LNX1: variants seen among roughly 807,000 people sequenced by gnomAD.
LNX1 encodes the protein ligand of numb-protein X 1, also known as E3 ubiquitin-protein ligase LNX.
Under a neutral mutation model 68.4 loss-of-function variants are expected in LNX1, and 54 were observed. The observed-to-expected ratio is 0.79, with a 90% confidence interval of 0.63 to 0.99. LNX1 has a LOEUF of 0.99. Among genes scored for constraint, LNX1 ranks in the 50% least tolerant of loss-of-function variants. The pLI, the probability that LNX1 is intolerant of heterozygous loss-of-function variation, is 0.00. For synonymous variants in LNX1, 336 were observed against 350.0 expected, an observed-to-expected ratio of 0.96 and a Z score of 0.45; for missense variants, 906 against 926.4, an observed-to-expected ratio of 0.98 and a Z score of 0.29.
intron 4 of LNX1, among the ~76,000 whole-genome samples, chr4:53,504,605 G>GAAA (rs1725738074): frequency 6.6e-6 from 1 of 152,208 alleles, no homozygotes; most frequent in Non-Finnish European, 1.5e-5. Flanking sequence ...TTGGCTGTTT[G>GAAA]GCACGAGAGG....
At chr4:53,575,536 C>CAA in intron 1 of LNX1, 12 of 985,386 alleles carry the variant, frequency 1.2e-5, no homozygotes, top group Non-Finnish European at 1.4e-5. Flanking sequence ...GACATGGACA[C>CAA]ACACACAAGT....
At chr4:53,609,589 A>G (rs1189135811) in intron 2 of LNX1, among the ~76,000 whole-genome samples, 1 of 146,428 alleles carries the variant, frequency 6.8e-6, no homozygotes, top group Admixed American at 6.9e-5. Flanking sequence ...TAGTATATAT[A>G]ATTATATATT....
At chr4:53,634,259 T>TA (rs386400066) in intron 1 of LNX1, among the ~76,000 whole-genome samples, 6 of 151,758 alleles carry the variant, frequency 4.0e-5, no homozygotes, top group Non-Finnish European at 7.4e-5. Flanking sequence ...TGGCTTTTTT[T>TA]TTTTTTGAGA....
chr4:53,494,052 T>C (rs1241026291), intron 6 of LNX1, among the ~76,000 whole-genome samples: 1 of 152,214 alleles, frequency 6.6e-6, no homozygotes, highest in Non-Finnish European at 1.5e-5. Flanking sequence ...ATCATTTCCC[T>C]AATAGGCTGA....
chr4:53,620,833 C>T (rs542098428), upstream of LNX1, among the ~76,000 whole-genome samples: 13 of 152,238 alleles, frequency 8.5e-5, no homozygotes, highest in East Asian at 1.2e-3. Flanking sequence ...CAGTGCAGCA[C>T]GCTCTAAATC....
chr4:53,606,327 A>G (rs951371342), intron 2 of LNX1, among the ~76,000 whole-genome samples: 12 of 152,182 alleles, frequency 7.9e-5, no homozygotes, highest in Admixed American at 4.6e-4. Flanking sequence ...AAGCTAGGAA[A>G]CCTAGAGGAA....
intron 2 of LNX1, among the ~76,000 whole-genome samples, chr4:53,604,505 T>C (rs889539004): frequency 2.6e-5 from 4 of 152,202 alleles, no homozygotes; most frequent in African/African-American, 9.7e-5. Context: ...CAAGAGGAAG[T>C]AGCCCAGGAA....
At chr4:53,464,332 T>G (rs927113024) in intron 9 of LNX1, among the ~76,000 whole-genome samples, 3 of 152,128 alleles carry the variant, frequency 2.0e-5, no homozygotes, top group Non-Finnish European at 4.4e-5. Context: ...TCTCAGTCTG[T>G]GGTGAAGGGA....
chr4:53,613,503 C>T lies in LNX1; in HGVS notation c.-215+3014G>A, dbSNP rs534084047. Among the ~76,000 whole-genome samples, 120 of 152,220 alleles carry T rather than the reference C, an allele frequency of 7.9e-4. 3 individuals carry two copies. Among genetic ancestry groups the T allele is most frequent in the African/African-American group, 2.1e-3 (87 of 41,528 alleles). On this transcript the variant is annotated intron_variant, in intron 2 of 3. Coordinates refer to the LNX1 transcript ENST00000504299. ...ATTTGTTATTTTTCCTGATCCTCTC[C>T]GTCCTCCACCCCCCACCGTCCAGTA...
Position 53,501,299 on chromosome 4 carries a change from T to TGGG in LNX1, c.776-2459_776-2457dup, listed in dbSNP as rs1553932749. On this transcript the variant is annotated intron_variant, in intron 4 of 10. Transcript: ENST00000263925. ...TAATAATCTTTTTTTTTTTTTTTTT[T>TGGG]GGGGGTGGGGGGACAGGATCTCACT... 2.3e-3 allele frequency among the ~76,000 whole-genome samples: 88 copies of TGGG among 38,738 alleles called. 2 individuals carry two copies. The highest frequency in any genetic ancestry group is 2.9e-3 in the African/African-American group (47 of 16,068). 25.4% of individuals were successfully genotyped at this position (38,738 alleles called of 152,430 possible). A position where few individuals can be genotyped will look rare whatever the true frequency, so the allele number is the denominator to read the frequency against.
intron 1 of LNX1, among the ~76,000 whole-genome samples, chr4:53,634,781 C>T (rs989259350): frequency 6.6e-6 from 1 of 151,758 alleles, no homozygotes; most frequent in Non-Finnish European, 1.5e-5. Context: ...TCTTCCCTGG[C>T]ATGTTTGTCC....
chr4:53,632,467 A>T (rs903069024), intron 1 of LNX1, among the ~76,000 whole-genome samples: 1 of 152,214 alleles, frequency 6.6e-6, no homozygotes, highest in Non-Finnish European at 1.5e-5. Flanking sequence ...TGCTTCAGCC[A>T]AGAGGGTCAG....
chr4:53,529,745 T>A (rs61359128), intron 2 of LNX1, among the ~76,000 whole-genome samples: 2,760 of 152,230 alleles, frequency 0.018, 88 homozygotes, highest in African/African-American at 0.063. Context: ...TATTACACAG[T>A]GCAGGTAAGG....
intron 1 of LNX1, chr4:53,576,194 T>G: frequency 6.3e-7 from 1 of 1,585,746 alleles, no homozygotes; most frequent in Non-Finnish European, 8.6e-7. Flanking sequence ...TGGGTGGATG[T>G]GACAATCTCC....
chr4:53,614,095 G>A (rs1437916582), intron 2 of LNX1, among the ~76,000 whole-genome samples: 2 of 152,180 alleles, frequency 1.3e-5, no homozygotes, highest in Admixed American at 6.6e-5. Context: ...TCATACGATT[G>A]TTGGCTGCAT....
Position 53,575,130 on chromosome 4 carries a change from C to T in LNX1, c.-86-1042G>A, listed in dbSNP as rs537391033. Among the ~76,000 whole-genome samples the T allele has an allele frequency of 2.1e-3, 327 of 152,144 alleles. 4 individuals are homozygous for T. Among genetic ancestry groups the T allele is most frequent in the African/African-American group, 7.6e-3 (316 of 41,502 alleles). On this transcript the variant is annotated intron_variant, in intron 1 of 10. Transcript: ENST00000263925. Reference sequence around the variant, plus strand: ...CTGAGTAGCTGGGATTACAGGCGCGCGCCACCATGCCTGGCTAATTTTTGT... The same window carrying T: ...CTGAGTAGCTGGGATTACAGGCGCGTGCCACCATGCCTGGCTAATTTTTGT...
intron 6 of LNX1, 67 bp from the exon 7 acceptor site, chr4:53,481,921 T>C: frequency 6.9e-7 from 1 of 1,457,046 alleles, no homozygotes. Context: ...ACCAGGAGCT[T>C]ACAAAAACAT....
intron 1 of LNX1, among the ~76,000 whole-genome samples, chr4:53,630,977 C>A (rs1231583269): frequency 6.6e-6 from 1 of 152,216 alleles, no homozygotes; most frequent in African/African-American, 2.4e-5. Context: ...TTGCAGAGGT[C>A]AACCTGGGCA....
At chr4:53,472,404 G>A (rs1723260578) in intron 9 of LNX1, among the ~76,000 whole-genome samples, 1 of 151,912 alleles carries the variant, frequency 6.6e-6, no homozygotes, top group Non-Finnish European at 1.5e-5. Flanking sequence ...GAGTTAATGG[G>A]TGCAGCACAC....
Sources: allele counts gnomAD v4.1 joint callset (sites outside exome capture counted in the v4.1 genomes callset), GRCh38; gene constraint gnomAD v4.1.1; transcripts MANE v1.5; gene names NCBI Gene and HGNC (gene_info 2026-07-23, HGNC 2026-07-21).